DPYSL2: variants seen among roughly 807,000 people sequenced by gnomAD.
DPYSL2 encodes dihydropyrimidinase like 2.
DPYSL2 carries 13 observed loss-of-function variants against 69.9 expected under a neutral mutation model. The ratio of observed to expected loss-of-function variants is 0.19; its 90% confidence interval spans 0.12 to 0.30. The LOEUF is 0.30. DPYSL2 is among the 10% of genes least tolerant of loss of function. The pLI, the probability that DPYSL2 is intolerant of heterozygous loss-of-function variation, is 1.00. For synonymous variants in DPYSL2, 326 were observed against 359.1 expected, an observed-to-expected ratio of 0.91 and a Z score of 1.04; for missense variants, 587 against 918.9, an observed-to-expected ratio of 0.64 and a Z score of 4.67.
Position 26,585,569 on chromosome 8 carries a change from T to G in DPYSL2, c.628+1586T>G, listed in dbSNP as rs1332476333. Among the ~76,000 whole-genome samples, 1 of 152,112 alleles carries G rather than the reference T, an allele frequency of 6.6e-6. No homozygotes were observed. The highest frequency in any genetic ancestry group is 1.5e-5 in the Non-Finnish European group (1 of 68,026). ...TTTTCCAGGGATGTCGGGGGGAGAT[T>G]TCATGCACACCTAGGGAGAGCAGAG... On this transcript the variant is annotated intron_variant, in intron 3 of 13. Transcript: ENST00000521913. This position sits in a 1 kb window ranked among gnomAD's most constrained non-coding sequence, Gnocchi z 4.0.
chr8:26,622,151 T>C (rs79456295), intron 3 of DPYSL2, among the ~76,000 whole-genome samples: 8,174 of 41,890 alleles, frequency 0.2, 568 homozygotes, highest in Admixed American at 0.28. Context: ...CCTTCCTTCC[T>C]TCCTTCCCTC....
At chr8:26,552,180 T>G (rs1234161456) in intron 1 of DPYSL2, among the ~76,000 whole-genome samples, 1 of 152,196 alleles carries the variant, frequency 6.6e-6, no homozygotes. Context: ...TTAAAAATAT[T>G]TTTTAACTAT....
rs962814198 is a variant in DPYSL2, at chr8:26,653,410, C to T, written c.1942+13C>T. The T allele has an allele frequency of 6.2e-7, 1 of 1,609,122 alleles. No individual in the cohort carries two copies. Among genetic ancestry groups the T allele is most frequent in the Admixed American group, 1.7e-5 (1 of 59,614 alleles). On this transcript the variant is annotated intron_variant, in intron 13 of 13. Coordinates refer to ENST00000521913, the MANE Select transcript of DPYSL2 (RefSeq NM_001197293.3). This position sits in a 1 kb window ranked among gnomAD's most constrained non-coding sequence, Gnocchi z 5.7. ...TTCAGTTTGTCTGGTAGGGTTGGGG[C>T]TTGGGGAGGGCACAGTTCTGCAGGG...
chr8:26,538,439 C>T (rs1186426740), intron 1 of DPYSL2, among the ~76,000 whole-genome samples: 1 of 152,046 alleles, frequency 6.6e-6, no homozygotes, highest in Non-Finnish European at 1.5e-5. Flanking sequence ...AGGTAGGTAC[C>T]AAGAGCGATC....
chr8:26,638,816 T>C (rs543840587), intron 8 of DPYSL2, among the ~76,000 whole-genome samples: 1 of 152,354 alleles, frequency 6.6e-6, no homozygotes, highest in South Asian at 2.1e-4. Context: ...TTAGAAACCA[T>C]GATTCCAGGC....
rs569977526 is a variant in DPYSL2 at position 26,562,989 on chromosome 8, C to T, written c.355-18980C>T. ...CTTCAGCTTCTTTACAGCATGGTGG[C>T]GTTAGGGTAGCTGGATTTCCCACAC... is the stretch of plus-strand genomic sequence containing the variant. On this transcript the variant is annotated intron_variant, in intron 1 of 13. Coordinates refer to ENST00000521913, the MANE Select transcript of DPYSL2 (RefSeq NM_001197293.3). The surrounding 1 kb of genome is among the most constrained non-coding windows in gnomAD (Gnocchi z 4.9). Among the ~76,000 whole-genome samples, 25 of 152,152 alleles carry T rather than the reference C, an allele frequency of 1.6e-4. No homozygotes were observed. The highest frequency in any genetic ancestry group is 5.1e-4 in the African/African-American group (21 of 41,508).
Position 26,622,772 on chromosome 8 carries a change from G to A in DPYSL2, c.629-1371G>A, listed in dbSNP as rs116470729. Among the ~76,000 whole-genome samples, 514 of 152,184 alleles carry A rather than the reference G, an allele frequency of 3.4e-3. 1 individual carries two copies. Among genetic ancestry groups the A allele is most frequent in the African/African-American group, 0.011 (477 of 41,528 alleles). ...CTGCCTTGGCCTCCCAAAGTGCAAC[G>A]GCTATATTTCTGACATATACAAATC... On this transcript the variant is annotated intron_variant, in intron 3 of 13. Coordinates refer to ENST00000521913, the MANE Select transcript of DPYSL2 (RefSeq NM_001197293.3).
chr8:26,643,823 A>G lies in DPYSL2; in HGVS notation c.1284-127A>G. On this transcript the variant is annotated intron_variant, in intron 9 of 13. Coordinates refer to ENST00000521913, the MANE Select transcript of DPYSL2 (RefSeq NM_001197293.3). The surrounding 1 kb of genome is among the most constrained non-coding windows in gnomAD (Gnocchi z 6.5). The stretch of plus-strand genomic sequence containing the variant: ...ATGTTGAAAGTCAAGCCAAGAAGGG[A>G]GAGGAGGCGTCAAAAGGACTCCACT... 1 of 1,324,296 alleles carries G rather than the reference A, an allele frequency of 7.6e-7. No individual in the cohort carries two copies. Among genetic ancestry groups the G allele is most frequent in the African/African-American group, 1.5e-5 (1 of 68,074 alleles). 82.0% of individuals were successfully genotyped at this position (1,324,296 alleles called of 1,614,324 possible). A position where few individuals can be genotyped will look rare whatever the true frequency, so the allele number is the denominator to read the frequency against.
chr8:26,557,770 C>T (rs1284010392), intron 1 of DPYSL2, among the ~76,000 whole-genome samples: 9 of 151,834 alleles, frequency 5.9e-5, no homozygotes, highest in African/African-American at 2.2e-4. Context: ...GCCTGGGTGA[C>T]AAAGAAGACT....
Position 26,653,621 on chromosome 8 carries a change from C to G in DPYSL2, c.1942+224C>G, listed in dbSNP as rs1027040880. ...TTACCCAGACTGGAGTGCAATGGCA[C>G]GACCTTGGCTCACTGCAACCTCCAC... is the stretch of plus-strand genomic sequence containing the variant. On this transcript the variant is annotated intron_variant, in intron 13 of 13. Transcript: ENST00000521913. This position sits in a 1 kb window ranked among gnomAD's most constrained non-coding sequence, Gnocchi z 5.7. Among the ~76,000 whole-genome samples the G allele has an allele frequency of 6.6e-6, 1 of 152,252 alleles. No homozygotes were observed. Among genetic ancestry groups the G allele is most frequent in the East Asian group, 1.9e-4 (1 of 5,180 alleles).
chr8:26,602,326 ATC>A (rs1045015753), intron 3 of DPYSL2, among the ~76,000 whole-genome samples: 4 of 152,008 alleles, frequency 2.6e-5, no homozygotes, highest in Admixed American at 2.6e-4. Flanking sequence ...TCAACCCGAG[ATC>A]TCTCTCGTCC....
chr8:26,636,296 C>G (rs1337119419), intron 8 of DPYSL2, among the ~76,000 whole-genome samples: 2 of 152,174 alleles, frequency 1.3e-5, no homozygotes. Flanking sequence ...AAGAAGGCAG[C>G]GCATTTGTGG....
chr8:26,560,096 G>C lies in DPYSL2; in HGVS notation c.355-21873G>C, dbSNP rs1801048161. 6.6e-6 allele frequency among the ~76,000 whole-genome samples: 1 copy of C among 152,200 alleles called. No individual in the cohort carries two copies. The highest frequency in any genetic ancestry group is 1.5e-5 in the Non-Finnish European group (1 of 68,032). On this transcript the variant is annotated intron_variant, in intron 1 of 13. Transcript: ENST00000521913. This position sits in a 1 kb window ranked among gnomAD's most constrained non-coding sequence, Gnocchi z 4.4. ...GAGATAATCTGTTAAAAGAAATAAT[G>C]CAGATATGCTAAGCAGAGTTGGTTT...
intron 8 of DPYSL2, chr8:26,637,619 T>C (rs1802950068): frequency 6.6e-6 from 1 of 152,218 alleles, no homozygotes. Flanking sequence ...AGCAGAGATA[T>C]GGGTAATGTA....
intron 3 of DPYSL2, among the ~76,000 whole-genome samples, chr8:26,616,880 T>A (rs749226897): frequency 6.6e-6 from 1 of 152,110 alleles, no homozygotes; most frequent in East Asian, 1.9e-4. Context: ...TCCTCCCTTC[T>A]ATTCCACGTG....
intron 1 of DPYSL2, among the ~76,000 whole-genome samples, chr8:26,524,136 A>G (rs1459934135): frequency 6.6e-6 from 1 of 152,206 alleles, no homozygotes; most frequent in Admixed American, 6.5e-5. Flanking sequence ...ATTCCCAACA[A>G]CAGTTCCCAA....
rs375436046 is a variant in DPYSL2, at chr8:26,528,576, G to A, written c.354+13897G>A. ...GCAGGAGAATCGCTTGAACCCGGTGGGTGGAGGTTGCAGTGAGCCAAGATC... is the reference window on the plus strand; with the variant it reads ...GCAGGAGAATCGCTTGAACCCGGTGAGTGGAGGTTGCAGTGAGCCAAGATC... On this transcript the variant is annotated intron_variant, in intron 1 of 13. Coordinates refer to ENST00000521913, the MANE Select transcript of DPYSL2 (RefSeq NM_001197293.3). Among the ~76,000 whole-genome samples, 16 of 151,944 alleles carry A rather than the reference G, an allele frequency of 1.1e-4. 1 individual carries two copies. The East Asian group carries it at 1.9e-3, about 18-fold the overall frequency.
In DPYSL2 at chr8:26,621,122, TG is replaced by T. The variant is rs1802471811; in HGVS notation, c.629-3016del. On this transcript the variant is annotated intron_variant, in intron 3 of 13. Transcript: ENST00000521913. This position sits in a 1 kb window ranked among gnomAD's most constrained non-coding sequence, Gnocchi z 4.9. Reference sequence around the variant, plus strand: ...CTCTATAAACCACTTTAAAACTTTTTGGGGGAAGAAAGTGGACTATAGATAA... The same window carrying T: ...CTCTATAAACCACTTTAAAACTTTTTGGGGAAGAAAGTGGACTATAGATAA... Among the ~76,000 whole-genome samples the T allele has an allele frequency of 6.6e-6, 1 of 152,162 alleles. No individual in the cohort carries two copies. Among genetic ancestry groups the T allele is most frequent in the South Asian group, 2.1e-4 (1 of 4,826 alleles).
At chr8:26,608,744 G>A (rs1357621156) in intron 3 of DPYSL2, among the ~76,000 whole-genome samples, 1 of 152,132 alleles carries the variant, frequency 6.6e-6, no homozygotes, top group East Asian at 1.9e-4. Context: ...GATGAGAAGC[G>A]CATGATGGTA....
Sources: gnomAD v4.1 joint callset for allele counts (sites outside exome capture counted in the v4.1 genomes callset) on GRCh38, gnomAD v4.1.1 for gene constraint, Gnocchi (gnomAD v3.1) non-coding constraint, MANE v1.5 for transcripts, NCBI Gene and HGNC (gene_info 2026-07-23, HGNC 2026-07-21) for gene names.